LINGO2: variants seen among roughly 807,000 people sequenced by gnomAD.
LINGO2 encodes leucine rich repeat and Ig domain containing 2.
A neutral mutation model predicts 30.6 loss-of-function variants in LINGO2; 14 were observed. The ratio of observed to expected loss-of-function variants is 0.46; its 90% confidence interval spans 0.30 to 0.72. The LOEUF is 0.72. LINGO2 is among the 30% of genes least tolerant of loss of function. The pLI, the probability that LINGO2 is intolerant of heterozygous loss-of-function variation, is 0.07. For synonymous variants in LINGO2, 317 were observed against 288.5 expected (o/e 1.10, Z -1.00); for missense variants, 729 against 751.7 (o/e 0.97, Z 0.35).
intron 1 of LINGO2, among the ~76,000 whole-genome samples, chr9:28,593,669 A>C (rs1825034695): frequency 6.6e-6 from 1 of 151,970 alleles, no homozygotes; most frequent in Non-Finnish European, 1.5e-5. Context: ...ATCAAAAATC[A>C]AAATAAACTT....
chr9:28,845,966 A>G, the LINGO2 span, among the ~76,000 whole-genome samples: 1 of 150,350 alleles, frequency 6.7e-6, no homozygotes, highest in Non-Finnish European at 1.5e-5. Flanking sequence ...TGACGTTTAG[A>G]GTTATAATGA....
chr9:28,149,009 C>T lies in LINGO2; in HGVS notation c.-86-136604G>A, dbSNP rs1196597775. On this transcript the variant is annotated intron_variant, in intron 4 of 5. Coordinates refer to ENST00000379992, the Ensembl canonical transcript of LINGO2. ...GCTGCAACCGACCCCTCCCCTGCAA[C>T]TGAGGTGGGATAGAGACGAGGGGCC... 3.3e-6 allele frequency: 5 copies of T among 1,534,246 alleles called. No homozygotes were observed. The Admixed American group carries it at 9.8e-5, about 30-fold the overall frequency.
chr9:28,467,407 T>A (rs1825359509), intron 2 of LINGO2, among the ~76,000 whole-genome samples: 1 of 152,126 alleles, frequency 6.6e-6, no homozygotes. Flanking sequence ...AAAACAATAT[T>A]GACATGAGAA....
chr9:28,386,071 T>C (rs1175354841), intron 2 of LINGO2, among the ~76,000 whole-genome samples: 2 of 152,202 alleles, frequency 1.3e-5, no homozygotes, highest in Non-Finnish European at 2.9e-5. Context: ...ATTGGAAGCC[T>C]TGCACATAAC....
At chr9:28,157,122 C>T (rs1216397750) in intron 4 of LINGO2, among the ~76,000 whole-genome samples, 1 of 152,230 alleles carries the variant, frequency 6.6e-6, no homozygotes, top group Non-Finnish European at 1.5e-5. Context: ...CCACATTTCC[C>T]TTCTGCACTG....
chr9:28,280,682 G>C (rs1823290119), intron 4 of LINGO2, among the ~76,000 whole-genome samples: 1 of 152,112 alleles, frequency 6.6e-6, no homozygotes, highest in African/African-American at 2.4e-5. Context: ...ATGCATTTCA[G>C]ACAGGTCCTG....
chr9:28,083,301 C>A (rs1275973213), intron 4 of LINGO2, among the ~76,000 whole-genome samples: 1 of 152,164 alleles, frequency 6.6e-6, no homozygotes, highest in Non-Finnish European at 1.5e-5. Context: ...TCTAGACAAT[C>A]GTGCTTGGTC....
intron 5 of LINGO2, among the ~76,000 whole-genome samples, chr9:27,987,984 T>G (rs903958977): frequency 6.6e-6 from 1 of 152,064 alleles, no homozygotes; most frequent in African/African-American, 2.4e-5. Context: ...GTGTATCTCC[T>G]AATGCTATCC....
the LINGO2 span, among the ~76,000 whole-genome samples, chr9:29,059,490 C>T: frequency 6.6e-6 from 1 of 151,298 alleles, no homozygotes; most frequent in South Asian, 2.1e-4. Flanking sequence ...CTACAATAAA[C>T]CACAGAAACT....
intron 3 of LINGO2, among the ~76,000 whole-genome samples, chr9:28,300,655 T>C (rs913255856): frequency 2.0e-5 from 3 of 152,158 alleles, no homozygotes; most frequent in African/African-American, 7.2e-5. Flanking sequence ...CCTTCCTCCA[T>C]TGTCTTTTTT....
At chr9:28,043,429 G>T (rs1249953196) in intron 4 of LINGO2, among the ~76,000 whole-genome samples, 1 of 152,190 alleles carries the variant, frequency 6.6e-6, no homozygotes, top group Non-Finnish European at 1.5e-5. Context: ...TATGTAGAAG[G>T]AGAGTATGGC....
chr9:28,943,515 T>C, the LINGO2 span, among the ~76,000 whole-genome samples: 3 of 152,180 alleles, frequency 2.0e-5, no homozygotes, highest in East Asian at 5.8e-4. Context: ...CATCCACTTA[T>C]TGTTTTATTT....
intron 3 of LINGO2, among the ~76,000 whole-genome samples, chr9:28,353,971 G>T (rs1009959028): frequency 6.6e-6 from 1 of 152,140 alleles, no homozygotes; most frequent in African/African-American, 2.4e-5. Flanking sequence ...CATGGACACA[G>T]GAAGGGGAAT....
the LINGO2 span, among the ~76,000 whole-genome samples, chr9:29,072,167 T>C: frequency 1.0e-5 from 1 of 98,124 alleles, no homozygotes; most frequent in African/African-American, 4.2e-5. Context: ...ATCCACATTA[T>C]ATATATTGAA....
chr9:27,956,502 C>T (rs1196954078), intron 5 of LINGO2, among the ~76,000 whole-genome samples: 2 of 151,966 alleles, frequency 1.3e-5, no homozygotes, highest in East Asian at 3.9e-4. Context: ...CTATGGTTTA[C>T]CTTTTTGTTT....
chr9:28,139,287 C>T lies in LINGO2; in HGVS notation c.-86-126882G>A, dbSNP rs146897333. On this transcript the variant is annotated intron_variant, in intron 4 of 5. Transcript: ENST00000379992. ...AACCTTGGCTTCCAACAGCTTTCTA[C>T]AGCTGTTTAAAACACAGTTTACATA... is the stretch of plus-strand genomic sequence containing the variant. Among the ~76,000 whole-genome samples the T allele has an allele frequency of 8.7e-4, 133 of 152,340 alleles. 2 individuals are homozygous for T. In the South Asian group the frequency reaches 0.018, roughly 20 times the overall value.
chr9:27,999,784 A>C (rs913785838), intron 5 of LINGO2, among the ~76,000 whole-genome samples: 8 of 152,142 alleles, frequency 5.3e-5, no homozygotes, highest in African/African-American at 1.9e-4. Flanking sequence ...AGGACTTGGG[A>C]ACTCCTAAAT....
At chr9:28,557,660 G>A (rs940837912) in intron 1 of LINGO2, among the ~76,000 whole-genome samples, 28 of 151,698 alleles carry the variant, frequency 1.8e-4, no homozygotes, top group African/African-American at 6.3e-4. Flanking sequence ...TATACCCAAA[G>A]GACTATAAAT....
chr9:27,971,387 T>G (rs1010755061), intron 5 of LINGO2, among the ~76,000 whole-genome samples: 3 of 152,088 alleles, frequency 2.0e-5, no homozygotes, highest in Non-Finnish European at 4.4e-5. Flanking sequence ...GAAATTTAAA[T>G]TTTATTATTT....
Sources: allele counts gnomAD v4.1 joint callset (sites outside exome capture counted in the v4.1 genomes callset), GRCh38; gene constraint gnomAD v4.1.1; transcripts MANE v1.5; gene names NCBI Gene and HGNC (gene_info 2026-07-23, HGNC 2026-07-21).